XKR6: variants seen among roughly 807,000 people sequenced by gnomAD.
The protein encoded by XKR6 is XK related 6, also known as XK-related protein 6.
Under a neutral mutation model 56.7 loss-of-function variants are expected in XKR6, and 22 were observed. That is an observed-to-expected ratio of 0.39 (90% CI 0.28 to 0.55). XKR6 has a LOEUF of 0.55. XKR6 is among the 20% of genes least tolerant of loss of function. The probability of loss-of-function intolerance (pLI) is 0.66; values close to 1 mark genes in which losing one functional copy is unlikely to be tolerated. For missense variants in XKR6, 852 were observed against 889.0 expected, an observed-to-expected ratio of 0.96 and a Z score of 0.53; for synonymous variants, 524 against 387.8, an observed-to-expected ratio of 1.35 and a Z score of -4.13.
At chr8:11,004,097 C>T (rs1798309400) in intron 1 of XKR6, among the ~76,000 whole-genome samples, 2 of 152,148 alleles carry the variant, frequency 1.3e-5, no homozygotes. Flanking sequence ...CCCTGAGCTG[C>T]AGAGATGGAG....
chr8:11,089,619 A>G (rs2129172300), intron 1 of XKR6, among the ~76,000 whole-genome samples: 1 of 152,324 alleles, frequency 6.6e-6, no homozygotes, highest in South Asian at 2.1e-4. Flanking sequence ...CCTAGGTGAC[A>G]GAGTGAGATC....
chr8:11,052,578 G>A (rs547853837), intron 1 of XKR6, among the ~76,000 whole-genome samples: 1 of 152,220 alleles, frequency 6.6e-6, no homozygotes, highest in South Asian at 2.1e-4. Context: ...CTTCAGCCCC[G>A]TTCCTGGACG....
At chr8:11,038,239 T>C (rs1283828734) in intron 1 of XKR6, among the ~76,000 whole-genome samples, 1 of 152,172 alleles carries the variant, frequency 6.6e-6, no homozygotes, top group African/African-American at 2.4e-5. Flanking sequence ...AGCGGTGAGC[T>C]TGTGTAGGAT....
At position 10,905,072 on chromosome 8, in the gene XKR6, C is replaced by T. The variant is rs57904408; in HGVS notation, c.962-6156G>A. On this transcript the variant is annotated intron_variant, in intron 2 of 2. Transcript: ENST00000416569. ...TTCCTCCCCAGCTCCTTCTTCCTGG[C>T]TTGTTCCCATCAGCGGGTAGCCAGG... Among the ~76,000 whole-genome samples, 194 of 152,314 alleles carry T rather than the reference C, an allele frequency of 1.3e-3. 2 individuals are homozygous for T. In the East Asian group the frequency reaches 0.028, roughly 22 times the overall value.
intron 1 of XKR6, among the ~76,000 whole-genome samples, chr8:11,071,579 CCGAG>C (rs1319126647): frequency 1.0e-3 from 152 of 148,384 alleles, no homozygotes; most frequent in African/African-American, 3.6e-3. Context: ...TCCATGAGCC[CCGAG>C]TCCATGAGCC....
At chr8:11,149,463 A>C (rs1408081430) in intron 1 of XKR6, among the ~76,000 whole-genome samples, 2 of 152,210 alleles carry the variant, frequency 1.3e-5, no homozygotes, top group Non-Finnish European at 2.9e-5. Context: ...CTAATTCAAA[A>C]CATCAGATTT....
chr8:11,199,885 G>A (rs992986667), intron 1 of XKR6, among the ~76,000 whole-genome samples: 2 of 152,060 alleles, frequency 1.3e-5, no homozygotes, highest in Admixed American at 6.5e-5. Context: ...TTCTGGAGGT[G>A]AGAGTTAACA....
intron 1 of XKR6, among the ~76,000 whole-genome samples, chr8:11,145,558 AT>A (rs1283230524): frequency 6.6e-6 from 1 of 152,244 alleles, no homozygotes; most frequent in East Asian, 1.9e-4. Flanking sequence ...CATCAACTGT[AT>A]TTCTATAAAA....
At chr8:10,921,090 C>A (rs538206607) in intron 2 of XKR6, among the ~76,000 whole-genome samples, 71 of 152,398 alleles carry the variant, frequency 4.7e-4, no homozygotes, top group African/African-American at 1.7e-3. Flanking sequence ...CAAGTGGCCC[C>A]TGTCCTTGCA....
intron 1 of XKR6, among the ~76,000 whole-genome samples, chr8:10,936,139 C>T (rs1253192233): frequency 6.7e-6 from 1 of 149,400 alleles, no homozygotes; most frequent in African/African-American, 2.4e-5. Context: ...GAATTGATCC[C>T]TTTACCATTA....
chr8:10,943,348 G>T (rs1472820063), intron 1 of XKR6, among the ~76,000 whole-genome samples: 2 of 152,090 alleles, frequency 1.3e-5, no homozygotes, highest in East Asian at 3.9e-4. Context: ...AACTAACCTG[G>T]GTGGCCTCCA....
intron 1 of XKR6, among the ~76,000 whole-genome samples, chr8:11,132,055 G>A (rs1800129081): frequency 6.6e-6 from 1 of 152,112 alleles, no homozygotes; most frequent in African/African-American, 2.4e-5. Context: ...GATACAGTGG[G>A]TCTCAAACTT....
chr8:11,109,169 G>A (rs10103361), intron 1 of XKR6: 3 of 152,160 alleles, frequency 2.0e-5, no homozygotes, highest in Admixed American at 6.5e-5. Context: ...AAAGTGTAAG[G>A]TTTTCTTTGG....
At chr8:11,094,052 G>A (rs1472959062) in intron 1 of XKR6, among the ~76,000 whole-genome samples, 1 of 148,012 alleles carries the variant, frequency 6.8e-6, no homozygotes, top group Admixed American at 6.7e-5. Flanking sequence ...CCAAAGTGCT[G>A]GGATTACAGG....
chr8:10,898,208 T>C lies in XKR6; in HGVS notation c.1670A>G (p.Asp557Gly), dbSNP rs564516567. 3.8e-5 allele frequency: 61 copies of C among 1,614,052 alleles called. No individual in the cohort carries two copies. The Admixed American group carries it at 6.2e-4, about 16-fold the overall frequency. Residue 557 changes from aspartate (D) to glycine (G), a missense_variant, in exon 3 of 3, where the codon GAC becomes GGC. Physicochemically the swap from Asp to Gly is moderately conservative, Grantham distance 94. Coordinates refer to ENST00000416569, the MANE Select transcript of XKR6 (RefSeq NM_173683.4). The surrounding 1 kb of genome is among the most constrained non-coding windows in gnomAD (Gnocchi z 6.6). ...VTEQQEDLTA[D>G]TCLPVFQVRP... ...CACTTGGAAAACAGGCAAGCAAGTG[T>C]CAGCCGTGAGATCCTCCTGTTGTTC...
intron 1 of XKR6, among the ~76,000 whole-genome samples, chr8:11,135,095 C>T (rs34367737): frequency 5.3e-5 from 8 of 150,536 alleles, no homozygotes; most frequent in Admixed American, 3.3e-4. Flanking sequence ...TGCAGTGGCA[C>T]GATCTTGGCT....
intron 1 of XKR6, among the ~76,000 whole-genome samples, chr8:10,990,641 G>A (rs916466932): frequency 1.3e-5 from 2 of 152,096 alleles, no homozygotes; most frequent in Non-Finnish European, 2.9e-5. Context: ...ACCCAACTGT[G>A]CAATCATGGC....
intron 1 of XKR6, among the ~76,000 whole-genome samples, chr8:10,986,462 A>T (rs1222215876): frequency 6.6e-6 from 1 of 152,220 alleles, no homozygotes; most frequent in Non-Finnish European, 1.5e-5. Context: ...AAGCGACACC[A>T]TTATCTTTAT....
chr8:10,924,534 T>C (rs1022453677), intron 2 of XKR6, 100 bp downstream of exon 2: 5 of 1,424,446 alleles, frequency 3.5e-6, no homozygotes, highest in Non-Finnish European at 4.7e-6. Flanking sequence ...GGATGGGCAA[T>C]GCCCACAGAG....
Sources: allele counts gnomAD v4.1 joint callset (sites outside exome capture counted in the v4.1 genomes callset), GRCh38; gene constraint gnomAD v4.1.1; non-coding constraint Gnocchi (gnomAD v3.1); transcripts MANE v1.5; gene names NCBI Gene and HGNC (gene_info 2026-07-23, HGNC 2026-07-21).